TENM1: variants seen among roughly 807,000 people sequenced by gnomAD.
TENM1 encodes teneurin transmembrane protein 1.
TENM1 carries 35 observed loss-of-function variants against 174.8 expected under a neutral mutation model. That is an observed-to-expected ratio of 0.20 (90% confidence interval 0.15 to 0.27). TENM1 has a LOEUF of 0.27. Ranked by LOEUF, TENM1 falls within the 10% of genes least tolerant of loss-of-function variation. TENM1 has a pLI of 1.00. For missense variants in TENM1, 1,633 were observed against 2,130.1 expected, an observed-to-expected ratio of 0.77 and a Z score of 4.59; for synonymous variants, 781 against 798.7, an observed-to-expected ratio of 0.98 and a Z score of 0.37.
the TENM1 span, among the ~76,000 whole-genome samples, chrX:125,015,144 T>A: frequency 1.8e-5 from 2 of 111,733 alleles, no homozygotes; most frequent in African/African-American, 6.5e-5. Flanking sequence ...AAGAGCAGGC[T>A]GTCAGCAGAT....
intron 4 of TENM1, among the ~76,000 whole-genome samples, chrX:124,721,296 A>G (rs764616004): frequency 9.0e-6 from 1 of 111,696 alleles, no homozygotes; most frequent in South Asian, 3.8e-4. Context: ...TACCTAGAAC[A>G]CTTTACAATA....
At chrX:124,977,931 C>A in the TENM1 span, among the ~76,000 whole-genome samples, 4 of 91,897 alleles carry the variant, frequency 4.4e-5, no homozygotes, top group Non-Finnish European at 8.9e-5. Flanking sequence ...ATCTTTGAGG[C>A]TCTGTTTAGT....
At chrX:124,881,842 C>T (rs1046854733) in intron 3 of TENM1, among the ~76,000 whole-genome samples, 2 of 110,406 alleles carry the variant, frequency 1.8e-5, no homozygotes, top group Non-Finnish European at 3.8e-5. Context: ...AGTTATTCTG[C>T]CTCAGTCTCT....
At chrX:124,950,379 T>G (rs1309540430) in intron 1 of TENM1, among the ~76,000 whole-genome samples, 1 of 111,875 alleles carries the variant, frequency 8.9e-6, no homozygotes, top group Non-Finnish European at 1.9e-5. Flanking sequence ...ATCTACTTAC[T>G]GGTTAATGGT....
chrX:124,826,269 C>T (rs147018721), intron 3 of TENM1, among the ~76,000 whole-genome samples: 1,168 of 109,621 alleles, frequency 0.011, 5 homozygotes, highest in Middle Eastern at 0.033. Flanking sequence ...ATTAGCCTGG[C>T]GTGTTGGCAG....
exon 5 of TENM1, chrX:124,705,061 C>T (rs1457310896): frequency 7.4e-6 from 9 of 1,210,737 alleles, no homozygotes; most frequent in Admixed American, 6.5e-5. Context: ...ATTGCAGTGG[C>T]GCTCAATGCT....
intron 5 of TENM1, among the ~76,000 whole-genome samples, chrX:124,672,399 A>G (rs924545239): frequency 8.9e-6 from 1 of 111,751 alleles, no homozygotes; most frequent in Non-Finnish European, 1.9e-5. Flanking sequence ...AATGATTGAC[A>G]TAAGACAGGT....
intron 3 of TENM1, among the ~76,000 whole-genome samples, chrX:124,844,580 T>C (rs1368815347): frequency 1.8e-5 from 2 of 111,324 alleles, no homozygotes; most frequent in Non-Finnish European, 3.8e-5. Flanking sequence ...TAGAAGATTA[T>C]GTACATTGAT....
chrX:124,901,762 A>G (rs2057668024), intron 1 of TENM1, among the ~76,000 whole-genome samples: 1 of 111,737 alleles, frequency 8.9e-6, no homozygotes, highest in African/African-American at 3.3e-5. Context: ...TGTGTTTCTG[A>G]TAAGCTCAAG....
chrX:124,825,746 A>ATTCTT (rs2147310725), intron 3 of TENM1, among the ~76,000 whole-genome samples: 1 of 112,152 alleles, frequency 8.9e-6, no homozygotes, highest in African/African-American at 3.2e-5. Flanking sequence ...TTAATAGGTG[A>ATTCTT]TTCTTACTGT....
At chrX:125,028,465 G>A in the TENM1 span, among the ~76,000 whole-genome samples, 7 of 112,030 alleles carry the variant, frequency 6.2e-5, no homozygotes, top group Admixed American at 1.9e-4. Context: ...TTTCTTATAA[G>A]TGGGAGTTAA....
intron 3 of TENM1, among the ~76,000 whole-genome samples, chrX:124,818,471 A>T (rs2055955905): frequency 8.9e-6 from 1 of 111,974 alleles, no homozygotes; most frequent in Admixed American, 9.5e-5. Context: ...TTGTCATCAT[A>T]ATTATTTCTC....
intron 1 of TENM1, among the ~76,000 whole-genome samples, chrX:124,950,335 C>T (rs974532471): frequency 9.0e-6 from 1 of 111,668 alleles, no homozygotes; most frequent in Non-Finnish European, 1.9e-5. Flanking sequence ...AATACTTGAC[C>T]TATTACGTGC....
intron 4 of TENM1, among the ~76,000 whole-genome samples, chrX:124,712,988 A>G (rs1053560617): frequency 4.5e-5 from 5 of 111,555 alleles, no homozygotes; most frequent in African/African-American, 1.6e-4. Flanking sequence ...CATCTCTACT[A>G]ACAACTATAT....
chrX:124,435,985 T>C (rs1189523038), intron 23 of TENM1, among the ~76,000 whole-genome samples: 2 of 111,886 alleles, frequency 1.8e-5, no homozygotes, highest in Non-Finnish European at 3.8e-5. Context: ...CCCTCACGAA[T>C]AGCAAATCTG....
At chrX:124,805,380 G>C (rs184341882) in intron 3 of TENM1, among the ~76,000 whole-genome samples, 126 of 112,358 alleles carry the variant, frequency 1.1e-3, no homozygotes, top group Middle Eastern at 4.6e-3. Flanking sequence ...CTAACCTTGA[G>C]AGCCTGGAAA....
the TENM1 span, among the ~76,000 whole-genome samples, chrX:125,069,211 T>C: frequency 1.8e-5 from 2 of 111,761 alleles, no homozygotes; most frequent in Admixed American, 9.5e-5. Flanking sequence ...TTTATATTCA[T>C]GTGTACACAT....
intron 1 of TENM1, among the ~76,000 whole-genome samples, chrX:124,926,722 T>C (rs2058097000): frequency 8.9e-6 from 1 of 112,069 alleles, no homozygotes; most frequent in South Asian, 3.7e-4. Context: ...CATATACATA[T>C]ATGTTATCCA....
the TENM1 span, among the ~76,000 whole-genome samples, chrX:125,147,481 A>C: frequency 2.7e-5 from 3 of 111,674 alleles, no homozygotes; most frequent in Non-Finnish European, 5.6e-5. Context: ...TATAAAAATT[A>C]GTTAAGCCAT....
Sources: gnomAD v4.1 joint callset for allele counts (sites outside exome capture counted in the v4.1 genomes callset) on GRCh38, gnomAD v4.1.1 for gene constraint, MANE v1.5 for transcripts, NCBI Gene and HGNC (gene_info 2026-07-23, HGNC 2026-07-21) for gene names.